Variants in STXBP6 observed in about 807,000 individuals in gnomAD.
STXBP6 encodes syntaxin-binding protein 6.
Under a neutral mutation model 26.9 loss-of-function variants are expected in STXBP6, and 21 were observed. The ratio of observed to expected loss-of-function variants is 0.78; its 90% CI spans 0.55 to 1.12. STXBP6 has a LOEUF of 1.12. STXBP6 is among the 50% of genes most tolerant of loss of function. The probability of loss-of-function intolerance (pLI) is 0.00; values close to 1 mark genes in which losing one functional copy is unlikely to be tolerated. For missense variants in STXBP6, 232 were observed against 257.9 expected, an observed-to-expected ratio of 0.90 and a Z score of 0.69; for synonymous variants, 97 against 92.6, an observed-to-expected ratio of 1.05 and a Z score of -0.27.
At chr14:24,813,877 C>G (rs2067893429) in intron 5 of STXBP6, among the ~76,000 whole-genome samples, 1 of 152,198 alleles carries the variant, frequency 6.6e-6, no homozygotes, top group Non-Finnish European at 1.5e-5. Flanking sequence ...GCTGCCATCT[C>G]AGCTAAGCCA....
chr14:24,872,357 G>A (rs1011800498), intron 2 of STXBP6, among the ~76,000 whole-genome samples: 8 of 152,182 alleles, frequency 5.3e-5, no homozygotes, highest in Non-Finnish European at 1.0e-4. Flanking sequence ...TTCTCCAAGT[G>A]TCTTTTTATT....
chr14:24,991,981 G>A (rs2074486142), intron 1 of STXBP6, among the ~76,000 whole-genome samples: 1 of 152,110 alleles, frequency 6.6e-6, no homozygotes, highest in Admixed American at 6.5e-5. Context: ...TCCCTGGGCT[G>A]GGCTACGTGC....
intron 2 of STXBP6, among the ~76,000 whole-genome samples, chr14:24,876,447 T>A (rs1411392540): frequency 2.6e-5 from 4 of 152,186 alleles, no homozygotes; most frequent in Non-Finnish European, 4.4e-5. Context: ...AAAAGGAAAT[T>A]ATTCCAGTGC....
chr14:25,041,973 G>A (rs2075651002), intron 1 of STXBP6, among the ~76,000 whole-genome samples: 1 of 152,162 alleles, frequency 6.6e-6, no homozygotes, highest in African/African-American at 2.4e-5. Context: ...CTACCCTTAG[G>A]AAAGCAATAA....
intron 2 of STXBP6, among the ~76,000 whole-genome samples, chr14:24,941,087 T>C (rs1343999604): frequency 1.3e-5 from 2 of 151,964 alleles, no homozygotes; most frequent in Non-Finnish European, 2.9e-5. Flanking sequence ...AGGAGATATA[T>C]CTCAACCCAA....
chr14:24,987,127 C>A (rs2074352707), intron 1 of STXBP6, among the ~76,000 whole-genome samples: 1 of 152,148 alleles, frequency 6.6e-6, no homozygotes. Context: ...AACACTAGTA[C>A]AAGCTTAATG....
At chr14:24,928,976 C>G (rs142114792) in intron 2 of STXBP6, among the ~76,000 whole-genome samples, 5 of 152,118 alleles carry the variant, frequency 3.3e-5, no homozygotes, top group African/African-American at 1.2e-4. Context: ...GTGTGACATT[C>G]CACAAGGCCA....
At chr14:24,885,756 T>C (rs187839582) in intron 2 of STXBP6, among the ~76,000 whole-genome samples, 1 of 152,364 alleles carries the variant, frequency 6.6e-6, no homozygotes, top group East Asian at 1.9e-4. Flanking sequence ...TACTTTTAGG[T>C]TAAAAGAACC....
intron 1 of STXBP6, among the ~76,000 whole-genome samples, chr14:25,005,237 T>C (rs2074862063): frequency 6.6e-6 from 1 of 152,108 alleles, no homozygotes; most frequent in Non-Finnish European, 1.5e-5. Flanking sequence ...AAATGGACAA[T>C]AACAATATAC....
At chr14:24,968,192 A>T (rs958212646) in intron 2 of STXBP6, among the ~76,000 whole-genome samples, 4 of 134,396 alleles carry the variant, frequency 3.0e-5, no homozygotes, top group African/African-American at 6.5e-5. Flanking sequence ...TATATATATA[A>T]AATTATTGCA....
chr14:24,910,121 C>T (rs745943001), intron 2 of STXBP6, among the ~76,000 whole-genome samples: 1 of 152,218 alleles, frequency 6.6e-6, no homozygotes, highest in Non-Finnish European at 1.5e-5. Context: ...GTGAAGCACA[C>T]GCCCGCTTCA....
intron 2 of STXBP6, among the ~76,000 whole-genome samples, chr14:24,859,075 A>G (rs2069442241): frequency 6.6e-6 from 1 of 152,184 alleles, no homozygotes; most frequent in East Asian, 1.9e-4. Flanking sequence ...ATCACTGTAT[A>G]TTGCGGGCAT....
intron 2 of STXBP6, among the ~76,000 whole-genome samples, chr14:24,963,487 G>C (rs78553024): frequency 1.5e-3 from 236 of 152,272 alleles, no homozygotes; most frequent in African/African-American, 4.1e-3. Context: ...ACACAAAGTG[G>C]ATGAAGAATA....
intron 1 of STXBP6, among the ~76,000 whole-genome samples, chr14:24,976,207 T>G (rs911377864): frequency 3.3e-5 from 5 of 152,220 alleles, no homozygotes; most frequent in African/African-American, 9.6e-5. Flanking sequence ...TAGTTTATAG[T>G]AAAAGATCAC....
intron 2 of STXBP6, among the ~76,000 whole-genome samples, chr14:24,865,919 T>G (rs2069701532): frequency 6.6e-6 from 1 of 152,064 alleles, no homozygotes; most frequent in African/African-American, 2.4e-5. Flanking sequence ...GAAGGTAGAG[T>G]ATGCTAAAGA....
At chr14:24,928,979 C>T (rs1242969759) in intron 2 of STXBP6, among the ~76,000 whole-genome samples, 1 of 151,724 alleles carries the variant, frequency 6.6e-6, no homozygotes, top group Non-Finnish European at 1.5e-5. Context: ...TGACATTCCA[C>T]AAGGCCAACA....
At position 24,809,615 on chromosome 14, in the gene STXBP6, A is replaced by G. The variant is rs950337424; in HGVS notation, c.*3094T>C. 3 of 152,232 alleles carry G rather than the reference A, an allele frequency of 2.0e-5. No individual in the cohort carries two copies. The highest frequency in any genetic ancestry group is 7.2e-5 in the African/African-American group (3 of 41,470). The allele number at this position is 152,232 out of a possible 1,614,324, so 9.4% of individuals were successfully genotyped here. Reference sequence around the variant, plus strand: ...ATGTGGTGACATGTACTTATTTGGTAGTGTTTTATAGAGTTCATAAATAAC... The same window carrying G: ...ATGTGGTGACATGTACTTATTTGGTGGTGTTTTATAGAGTTCATAAATAAC... On this transcript the variant is annotated 3_prime_UTR_variant, in exon 6 of 6. Coordinates refer to ENST00000323944, the MANE Select transcript of STXBP6 (RefSeq NM_001394410.1).
At chr14:24,870,981 C>A (rs984012930) in intron 2 of STXBP6, among the ~76,000 whole-genome samples, 12 of 152,142 alleles carry the variant, frequency 7.9e-5, no homozygotes, top group African/African-American at 2.9e-4. Flanking sequence ...ATCTTGTTAT[C>A]TGCCACGGTG....
chr14:25,040,691 C>T (rs887737130), intron 1 of STXBP6, among the ~76,000 whole-genome samples: 2 of 152,150 alleles, frequency 1.3e-5, no homozygotes, highest in Non-Finnish European at 2.9e-5. Flanking sequence ...AGAAAAGCAG[C>T]TCAACATATG....
Sources: allele counts gnomAD v4.1 joint callset (sites outside exome capture counted in the v4.1 genomes callset), GRCh38; gene constraint gnomAD v4.1.1; transcripts MANE v1.5; gene names NCBI Gene and HGNC (gene_info 2026-07-23, HGNC 2026-07-21).